Variants in TRRAP observed in about 807,000 individuals in gnomAD.
TRRAP encodes transformation/transcription domain associated protein.
A neutral mutation model predicts 438.8 loss-of-function variants in TRRAP; 41 were observed. That is an observed-to-expected ratio of 0.09 (90% CI 0.07 to 0.12). The LOEUF is 0.12. TRRAP is among the 10% of genes least tolerant of loss of function. The pLI is 1.00. For missense variants in TRRAP, 3,122 were observed against 5,055.1 expected, an observed-to-expected ratio of 0.62 and a Z score of 11.60; for synonymous variants, 1,994 against 1,962.9, an observed-to-expected ratio of 1.02 and a Z score of -0.42.
At chr7:98,951,059 C>CTGTGTGTGTTTGTG (rs1554418169) in intron 39 of TRRAP, 55 bp downstream of exon 39, 1 of 885,174 alleles carries the variant, frequency 1.1e-6, no homozygotes, top group Non-Finnish European at 1.5e-6. Context: ...GGATGAACAT[C>CTGTGTGTGTTTGTG]TGTGTGTGTG....
At chr7:98,970,367 A>T (rs963501526) in intron 52 of TRRAP, 76 bp downstream of exon 52, 1 of 1,531,008 alleles carries the variant, frequency 6.5e-7, no homozygotes, top group Non-Finnish European at 8.8e-7. Context: ...AATCCCAGAG[A>T]GGAGGTGAGA....
At position 98,958,098 on chromosome 7, in the gene TRRAP, G is replaced by A. The variant is rs1791708903; in HGVS notation, c.6342+7G>A. ...TATCCGCGTGGCCTGTCAGGTACGG[G>A]ATCCAAGTGCCCTGCGTTAGGGCTT... On this transcript the variant is annotated splice_region_variant and intron_variant, in intron 44 of 72. Coordinates refer to ENST00000456197, the MANE Select transcript of TRRAP (RefSeq NM_001375524.1). 2 of 1,613,002 alleles carry A rather than the reference G, an allele frequency of 1.2e-6. No individual in the cohort carries two copies.
chr7:98,937,858 T>C (rs782565644), intron 30 of TRRAP, 38 bp downstream of exon 30: 1 of 1,556,288 alleles, frequency 6.4e-7, no homozygotes, highest in South Asian at 1.2e-5. Context: ...TAACAAACTT[T>C]CAAAAAATTA....
At chr7:98,959,202 G>A in intron 44 of TRRAP, 142 bp from the exon 45 acceptor site, 2 of 1,146,830 alleles carry the variant, frequency 1.7e-6, no homozygotes, top group Non-Finnish European at 2.5e-6. Context: ...GCTGTGTGGA[G>A]GTCAGGCGGA....
chr7:98,955,756 G>A (rs937768048), intron 41 of TRRAP, among the ~76,000 whole-genome samples: 6 of 152,288 alleles, frequency 3.9e-5, no homozygotes, highest in African/African-American at 1.4e-4. Flanking sequence ...TGAGTTGAAA[G>A]CAAATTCTTT....
At chr7:98,896,773 G>A (rs1426205689) in intron 7 of TRRAP, among the ~76,000 whole-genome samples, 1 of 152,164 alleles carries the variant, frequency 6.6e-6, no homozygotes, top group African/African-American at 2.4e-5. Context: ...TTCAGTCTGG[G>A]GAGAATGTAT....
rs370921401 is a variant in TRRAP at position 98,953,342 on chromosome 7, C to T, written c.5639C>T (p.Ala1880Val). ...GCCTGGCCCTGCCTGCTCTCCAAGG[C>T]CTGCGTGGACCCAGCCTGCAAGTAC... ...TFAWPCLLSK[A>V]CVDPACKYSG... Residue 1880 changes from alanine (A) to valine (V), a missense_variant, in exon 40 of 73, where the codon GCC becomes GTC. This residue lies in a region of TRRAP where 22 missense variants were observed against 28.8 expected (regional missense o/e 0.76). Coordinates refer to ENST00000456197, the MANE Select transcript of TRRAP (RefSeq NM_001375524.1). The T allele has an allele frequency of 1.4e-5, 22 of 1,613,890 alleles. No individual in the cohort carries two copies. Among genetic ancestry groups the T allele is most frequent in the Non-Finnish European group, 1.7e-5 (20 of 1,180,048 alleles).
chr7:98,923,218 A>G (rs1486753328), intron 21 of TRRAP, among the ~76,000 whole-genome samples: 1 of 152,214 alleles, frequency 6.6e-6, no homozygotes, highest in Non-Finnish European at 1.5e-5. Context: ...TGTATAGACA[A>G]AAAGCTCCCC....
chr7:98,921,313 G>C (rs559153957), intron 20 of TRRAP, among the ~76,000 whole-genome samples: 1 of 152,310 alleles, frequency 6.6e-6, no homozygotes, highest in Non-Finnish European at 1.5e-5. Context: ...CCAAAGAAGG[G>C]AGAACGGTGT....
chr7:98,962,023 T>C (rs1791914566), intron 46 of TRRAP, among the ~76,000 whole-genome samples: 1 of 152,236 alleles, frequency 6.6e-6, no homozygotes, highest in Non-Finnish European at 1.5e-5. Context: ...AAGAGAAGTA[T>C]TAAAAGTATT....
chr7:98,966,935 G>T (rs1486447123), intron 49 of TRRAP, 106 bp from the exon 50 acceptor site: 1 of 1,233,676 alleles, frequency 8.1e-7, no homozygotes, highest in African/African-American at 1.5e-5. Flanking sequence ...TACTGTTTAG[G>T]AATGACCTTG....
chr7:98,891,111 T>C (rs918417753), intron 4 of TRRAP, among the ~76,000 whole-genome samples: 3 of 150,568 alleles, frequency 2.0e-5, no homozygotes, highest in African/African-American at 7.3e-5. Context: ...TCAGTTCTTA[T>C]AGCTATGGTC....
At chr7:98,959,667 A>G (rs1449244069) in intron 45 of TRRAP, among the ~76,000 whole-genome samples, 177 bp downstream of exon 45, 1 of 152,076 alleles carries the variant, frequency 6.6e-6, no homozygotes, top group Admixed American at 6.5e-5. Flanking sequence ...TGCTCTCTCC[A>G]GGGAGAGAGT....
At chr7:98,907,335 A>G (rs1183286085) in intron 13 of TRRAP, among the ~76,000 whole-genome samples, 35 of 152,268 alleles carry the variant, frequency 2.3e-4, no homozygotes, top group Middle Eastern at 3.4e-3. Flanking sequence ...AAAAAAAAAA[A>G]GTAGTGATAA....
At chr7:98,933,973 G>C (rs1294370458) in intron 27 of TRRAP, among the ~76,000 whole-genome samples, 1 of 152,234 alleles carries the variant, frequency 6.6e-6, no homozygotes, top group Non-Finnish European at 1.5e-5. Flanking sequence ...TTTAGAGCAT[G>C]ATTCCTAATC....
intron 49 of TRRAP, 45 bp from the exon 50 acceptor site, chr7:98,966,996 T>A: frequency 6.3e-7 from 1 of 1,580,324 alleles, no homozygotes; most frequent in Non-Finnish European, 8.6e-7. Flanking sequence ...CTAGAGCAGA[T>A]GGTTGAAATA....
chr7:98,881,755 G>T, intron 2 of TRRAP: 1 of 501,392 alleles, frequency 2.0e-6, no homozygotes. Context: ...GTGTGTTTGT[G>T]TGTGTGTGTA....
chr7:99,011,572 A>G lies in TRRAP; in HGVS notation c.11337+37A>G. 3.1e-6 allele frequency: 5 copies of G among 1,592,368 alleles called. No homozygotes were observed. The South Asian group carries it at 4.6e-5, about 15-fold the overall frequency. ...CGTCGTCCTATCACAGGCGCAGGCTAGAGCCACTCAGATGCCCGCGCGTCA... is the reference window on the plus strand; with the variant it reads ...CGTCGTCCTATCACAGGCGCAGGCTGGAGCCACTCAGATGCCCGCGCGTCA... On this transcript the variant is annotated intron_variant, in intron 72 of 72. Coordinates refer to ENST00000456197, the MANE Select transcript of TRRAP (RefSeq NM_001375524.1). The surrounding 1 kb of genome is among the most constrained non-coding windows in gnomAD (Gnocchi z 7.1).
intron 3 of TRRAP, among the ~76,000 whole-genome samples, chr7:98,885,538 A>G (rs1795658558): frequency 6.6e-6 from 1 of 152,154 alleles, no homozygotes; most frequent in Non-Finnish European, 1.5e-5. Flanking sequence ...ATAGTATTTT[A>G]GCTTTTTTTT....
Sources: allele counts gnomAD v4.1 joint callset (sites outside exome capture counted in the v4.1 genomes callset), GRCh38; gene constraint gnomAD v4.1.1; regional missense constraint gnomAD v4.1.1; non-coding constraint Gnocchi (gnomAD v3.1); transcripts MANE v1.5; gene names NCBI Gene and HGNC (gene_info 2026-07-23, HGNC 2026-07-21).